BSX: variants seen among roughly 807,000 people sequenced by gnomAD.
BSX encodes brain-specific homeobox protein homolog.
In BSX, 12 loss-of-function variants were observed where a neutral mutation model predicts 16.9. The observed-to-expected ratio is 0.71, with a 90% confidence interval of 0.46 to 1.15. The LOEUF (loss-of-function observed/expected upper bound fraction) is 1.15, where lower values mean the gene tolerates loss of function less well. Ranked by LOEUF, BSX falls within the 50% of genes most tolerant of loss-of-function variation. The pLI is 0.00. For missense variants in BSX, 292 were observed against 311.8 expected, an observed-to-expected ratio of 0.94 and a Z score of 0.48; for synonymous variants, 160 against 136.4, an observed-to-expected ratio of 1.17 and a Z score of -1.20.
At chr11:122,979,497 C>A (rs1179504102) in intron 1 of BSX, 40 bp from the exon 2 acceptor site, 1 of 1,555,188 alleles carries the variant, frequency 6.4e-7, no homozygotes, top group East Asian at 2.3e-5. Flanking sequence ...GAGCGTGGGT[C>A]GCCGGAGAGC....
At position 122,981,431 on chromosome 11, in the gene BSX, G is replaced by C; in HGVS notation, c.241C>G (p.Pro81Ala). 1 of 1,549,890 alleles carries C rather than the reference G, an allele frequency of 6.5e-7. No individual in the cohort carries two copies. The highest frequency in any genetic ancestry group is 1.7e-4 in the Middle Eastern group (1 of 5,828). Reference sequence around the variant, plus strand: ...TTACCCGAGGTGGTGAGGAAATAAGGATGATGGTGGTCTCCCTTATGCAGA... The same window carrying C: ...TTACCCGAGGTGGTGAGGAAATAAGCATGATGGTGGTCTCCCTTATGCAGA... ...HPLHKGDHHHPYFLTTSGMPV... is the reference protein window; with the variant it reads ...HPLHKGDHHHAYFLTTSGMPV... Residue 81 changes from proline to alanine, a missense_variant, in exon 1 of 3, where the codon CCT (proline) becomes GCT (alanine). By Grantham distance (27) the Pro-to-Ala change is conservative. This residue lies in a region of BSX where 176 missense variants were observed against 187.2 expected (regional missense o/e 0.94). Coordinates refer to ENST00000343035, the MANE Select transcript of BSX (RefSeq NM_001098169.2).
chr11:122,978,612 G>C (rs1591410935), intron 2 of BSX, among the ~76,000 whole-genome samples: 1 of 151,940 alleles, frequency 6.6e-6, no homozygotes, highest in Non-Finnish European at 1.5e-5. Context: ...TCTGACCCGG[G>C]TTCCCAGCCT....
Position 122,981,692 on chromosome 11 carries a change from CA to C in BSX, c.-22del, listed in dbSNP as rs1217627662. Reference sequence around the variant, plus strand: ...TTCATCTTGAGCGGAGCACCTGCCACAGGACAAGGGCCGGGACGAAGTGGAG... The same window carrying C: ...TTCATCTTGAGCGGAGCACCTGCCACGGACAAGGGCCGGGACGAAGTGGAG... On this transcript the variant is annotated 5_prime_UTR_variant, in exon 1 of 3. Coordinates refer to ENST00000343035, the MANE Select transcript of BSX (RefSeq NM_001098169.2). 6.4e-7 allele frequency: 1 copy of C among 1,572,404 alleles called. No individual in the cohort carries two copies. The highest frequency in any genetic ancestry group is 1.8e-5 in the Admixed American group (1 of 55,906).
In BSX at chr11:122,978,024, T is replaced by TATC. The variant is rs1864519808; in HGVS notation, c.460-136_460-134dup. 13 of 1,069,882 alleles carry TATC rather than the reference T, an allele frequency of 1.2e-5. No individual in the cohort carries two copies. The South Asian group carries it at 1.8e-4, about 15-fold the overall frequency. The allele number at this position is 1,069,882 out of a possible 1,614,324, so 66.3% of individuals were successfully genotyped here. A position where few individuals can be genotyped will look rare whatever the true frequency, so the allele number is the denominator to read the frequency against. ...GTGATAGCCTCAACTGCTCATAAGT[T>TATC]ATCGCCTTAAGCCGAATGAGAATCG... On this transcript the variant is annotated intron_variant, in intron 2 of 2. Transcript: ENST00000343035.
At chr11:122,978,800 T>TTTTC (rs1565347802) in intron 2 of BSX, among the ~76,000 whole-genome samples, 7 of 50,748 alleles carry the variant, frequency 1.4e-4, no homozygotes, top group Non-Finnish European at 2.4e-4. Flanking sequence ...CTTTTCTTTT[T>TTTTC]TTTTTTTTTT....
At position 122,981,704 on chromosome 11, in the gene BSX, C is replaced by T. The variant is rs1312805524; in HGVS notation, c.-33G>A. 1.9e-6 allele frequency: 3 copies of T among 1,554,486 alleles called. No individual in the cohort carries two copies. The highest frequency in any genetic ancestry group is 2.4e-5 in the South Asian group (2 of 82,088). On this transcript the variant is annotated 5_prime_UTR_variant, in exon 1 of 3. Coordinates refer to ENST00000343035, the MANE Select transcript of BSX (RefSeq NM_001098169.2). Reference sequence around the variant, plus strand: ...GGAGCACCTGCCACAGGACAAGGGCCGGGACGAAGTGGAGGACGCAGGCAG... The same window carrying T: ...GGAGCACCTGCCACAGGACAAGGGCTGGGACGAAGTGGAGGACGCAGGCAG...
chr11:122,977,946 C>T lies in BSX; in HGVS notation c.460-55G>A, dbSNP rs911871299. 6.2e-7 allele frequency: 1 copy of T among 1,603,916 alleles called. No individual in the cohort carries two copies. Among genetic ancestry groups the T allele is most frequent in the Non-Finnish European group, 8.5e-7 (1 of 1,178,714 alleles). On this transcript the variant is annotated intron_variant, in intron 2 of 2. Coordinates refer to ENST00000343035, the MANE Select transcript of BSX (RefSeq NM_001098169.2). This position sits in a 1 kb window ranked among gnomAD's most constrained non-coding sequence, Gnocchi z 4.5. ...TGTCATTCCTCCAAATCTGAGCCAT[C>T]GCTGGGGTTTAGGAAAATGGGCTGC...
chr11:122,979,408 C>T lies in BSX; in HGVS notation c.312G>A (p.Pro104=). The T allele has an allele frequency of 1.2e-6, 2 of 1,613,776 alleles. No individual in the cohort carries two copies. Among genetic ancestry groups the T allele is most frequent in the South Asian group, 1.1e-5 (1 of 91,062 alleles). Residue 104 remains proline, a synonymous_variant, in exon 2 of 3, where the codon CCG becomes CCA. Coordinates refer to ENST00000343035, the MANE Select transcript of BSX (RefSeq NM_001098169.2). ...CTTTGCGGCGGCGGCAGTGCTTCCCCGGCAGCTCCGCGTGCTGCGGGTGCG... is the reference window on the plus strand; with the variant it reads ...CTTTGCGGCGGCGGCAGTGCTTCCCTGGCAGCTCCGCGTGCTGCGGGTGCG... ...LFPHPQHAEL[P]GKHCRRRKAR...
At chr11:122,979,565 G>T in intron 1 of BSX, 108 bp from the exon 2 acceptor site, 2 of 871,926 alleles carry the variant, frequency 2.3e-6, no homozygotes, top group Non-Finnish European at 3.4e-6. Flanking sequence ...TCCGCCCCTC[G>T]CCTCCGTCAG....
In BSX at chr11:122,978,811, T is replaced by C. The variant is rs1411914428; in HGVS notation, c.459+450A>G. On this transcript the variant is annotated intron_variant, in intron 2 of 2. Transcript: ENST00000343035. ...TTTTCTTTTCTTTTTTTTTTTTTTT[T>C]TTTTTTTTTTTTGAGACGGAGTCTC... 4.4e-4 allele frequency among the ~76,000 whole-genome samples: 58 copies of C among 131,504 alleles called. 2 individuals carry two copies. Among genetic ancestry groups the C allele is most frequent in the Non-Finnish European group, 2.8e-4 (17 of 61,764 alleles). The allele number at this position is 131,504 out of a possible 152,430, so 86.3% of individuals were successfully genotyped here.
rs1487892607 is a variant in BSX at position 122,978,587 on chromosome 11, C to T, written c.459+674G>A. Among the ~76,000 whole-genome samples, 3 of 152,090 alleles carry T rather than the reference C, an allele frequency of 2.0e-5. No individual in the cohort carries two copies. The East Asian group carries it at 5.8e-4, about 29-fold the overall frequency. On this transcript the variant is annotated intron_variant, in intron 2 of 2. Transcript: ENST00000343035. Reference sequence around the variant, plus strand: ...CTCTCAGGACAAGAACTCGCCTGAACTCTTACCATTTACCTCTGACCCGGG... The same window carrying T: ...CTCTCAGGACAAGAACTCGCCTGAATTCTTACCATTTACCTCTGACCCGGG...
At chr11:122,979,703 C>T (rs2135401096) in intron 1 of BSX, among the ~76,000 whole-genome samples, 1 of 151,162 alleles carries the variant, frequency 6.6e-6, no homozygotes, top group Admixed American at 6.6e-5. Context: ...ATACAAACAA[C>T]AAACAGTAAA....
In BSX at chr11:122,979,386, T is replaced by G; in HGVS notation, c.334A>C (p.Lys112Gln). 6.2e-7 allele frequency: 1 copy of G among 1,614,074 alleles called. No homozygotes were observed. Among genetic ancestry groups the G allele is most frequent in the Non-Finnish European group, 8.5e-7 (1 of 1,180,004 alleles). ...GAGTCAGAGAAAACCGTGCGGGCTT[T>G]GCGGCGGCGGCAGTGCTTCCCCGGC... Reference protein sequence around the residue: ...ELPGKHCRRRKARTVFSDSQL... With the variant: ...ELPGKHCRRRQARTVFSDSQL... The change falls in exon 2 of 3, where the codon AAA becomes CAA. Residue 112 changes from lysine (K) to glutamine (Q), a missense_variant. By Grantham distance (53) the Lys-to-Gln change is moderately conservative. Coordinates refer to ENST00000343035, the MANE Select transcript of BSX (RefSeq NM_001098169.2).
intron 1 of BSX, among the ~76,000 whole-genome samples, chr11:122,980,440 C>T (rs925606474): frequency 5.9e-5 from 9 of 152,118 alleles, no homozygotes; most frequent in Non-Finnish European, 1.3e-4. Flanking sequence ...TGCAGAGATG[C>T]GGACCTGGAT....
chr11:122,980,440 C>A (rs925606474), intron 1 of BSX, among the ~76,000 whole-genome samples: 11 of 152,118 alleles, frequency 7.2e-5, no homozygotes, highest in Admixed American at 1.3e-4. Flanking sequence ...TGCAGAGATG[C>A]GGACCTGGAT....
At chr11:122,980,227 T>C (rs1482497309) in intron 1 of BSX, among the ~76,000 whole-genome samples, 1 of 152,044 alleles carries the variant, frequency 6.6e-6, no homozygotes, top group Non-Finnish European at 1.5e-5. Flanking sequence ...GGGAGACTTG[T>C]CTTTCCTGAC....
chr11:122,978,363 G>A (rs1390356353), intron 2 of BSX, among the ~76,000 whole-genome samples: 2 of 152,192 alleles, frequency 1.3e-5, no homozygotes, highest in Non-Finnish European at 2.9e-5. Flanking sequence ...ATGGGGAAGA[G>A]AGGATGGGGT....
At position 122,977,897 on chromosome 11, in the gene BSX, T is replaced by G; in HGVS notation, c.460-6A>C. On this transcript the variant is annotated splice_polypyrimidine_tract_variant and splice_region_variant and intron_variant, in intron 2 of 2. Transcript: ENST00000343035. This position sits in a 1 kb window ranked among gnomAD's most constrained non-coding sequence, Gnocchi z 4.5. ...TTCTGGAACCACGTTTTCACCTGAT[T>G]TCGGGGAGATAAAAATAAAATCATG... The G allele has an allele frequency of 6.2e-7, 1 of 1,613,186 alleles. No individual in the cohort carries two copies. Among genetic ancestry groups the G allele is most frequent in the East Asian group, 2.2e-5 (1 of 44,882 alleles).
chr11:122,978,795 CTTTTTTTTTTTTT>C (rs35567142), intron 2 of BSX, among the ~76,000 whole-genome samples: 2 of 64,776 alleles, frequency 3.1e-5, no homozygotes, highest in South Asian at 6.8e-4. Flanking sequence ...TTTTTCTTTT[CTTTTTTTTTTTTT>C]TTTTTTTTTT....
Sources: gnomAD v4.1 joint callset for allele counts (sites outside exome capture counted in the v4.1 genomes callset) on GRCh38, gnomAD v4.1.1 for gene constraint, gnomAD v4.1.1 regional missense constraint, Gnocchi (gnomAD v3.1) non-coding constraint, MANE v1.5 for transcripts, NCBI Gene and HGNC (gene_info 2026-07-23, HGNC 2026-07-21) for gene names.